Variants in NECTIN3 observed in about 807,000 individuals in gnomAD.
NECTIN3 encodes the protein nectin-3.
A neutral mutation model predicts 49.4 loss-of-function variants in NECTIN3; 8 were observed. The observed-to-expected ratio is 0.16, with a 90% CI of 0.10 to 0.29. The LOEUF (loss-of-function observed/expected upper bound fraction) is 0.29. NECTIN3 is among the 10% of genes least tolerant of loss of function. The pLI is 1.00. For synonymous variants in NECTIN3, 277 were observed against 241.1 expected (o/e 1.15, Z -1.38); for missense variants, 581 against 654.6 (o/e 0.89, Z 1.23).
intron 7 of NECTIN3, among the ~76,000 whole-genome samples, chr3:111,168,283 T>TCACCTAC (rs1443841343): frequency 4.6e-5 from 7 of 152,124 alleles, no homozygotes; most frequent in Admixed American, 4.6e-4. Context: ...GAAGTAGGTT[T>TCACCTAC]TTAAAATAGG....
intron 1 of NECTIN3, chr3:111,074,251 G>A (rs2031014039): frequency 2.2e-6 from 1 of 456,302 alleles, no homozygotes; most frequent in East Asian, 6.9e-5. Context: ...TTTTCTTCAA[G>A]TAAGCTGTTA....
At chr3:111,097,433 G>A (rs540534074) in intron 1 of NECTIN3, among the ~76,000 whole-genome samples, 78 of 152,234 alleles carry the variant, frequency 5.1e-4, no homozygotes, top group African/African-American at 1.9e-3. Context: ...TAAGGCTTTG[G>A]GGGACTCTTG....
chr3:111,134,451 A>C lies in NECTIN3; in HGVS notation c.*236A>C. The C allele has an allele frequency of 8.4e-7, 1 of 1,192,462 alleles. No homozygotes were observed. Among genetic ancestry groups the C allele is most frequent in the East Asian group, 4.0e-5 (1 of 25,278 alleles). 73.9% of individuals were successfully genotyped at this position (1,192,462 alleles called of 1,614,324 possible). A position where few individuals can be genotyped will look rare whatever the true frequency, so the allele number is the denominator to read the frequency against. ...TGTCTCAAGATTTAAATTTTAATGC[A>C]GAGTACTTTATTGGTGTGAGGCACA... On this transcript the variant is annotated 3_prime_UTR_variant, in exon 6 of 6. Coordinates refer to ENST00000485303, the MANE Select transcript of NECTIN3 (RefSeq NM_015480.3).
upstream of NECTIN3, among the ~76,000 whole-genome samples, chr3:111,191,530 G>A (rs1239277732): frequency 6.6e-6 from 1 of 151,758 alleles, no homozygotes; most frequent in Non-Finnish European, 1.5e-5. Context: ...TGTAAGCCGA[G>A]GAAAACTGAA....
rs576042887 is a variant in NECTIN3 at position 111,159,011 on chromosome 3, A to C, written c.1221+11527A>C. 3.3e-5 allele frequency among the ~76,000 whole-genome samples: 5 copies of C among 152,314 alleles called. No homozygotes were observed. In the South Asian group the frequency reaches 8.3e-4, roughly 25 times the overall value. ...ACATTACTAGTCAACAGGTAAATAC[A>C]AGTTAAACCACAATGAATTGCCACT... On this transcript the variant is annotated intron_variant, in intron 7 of 8. Coordinates refer to the NECTIN3 transcript ENST00000493615.
chr3:111,193,621 T>G, intron 1 of NECTIN3: 1 of 495,842 alleles, frequency 2.0e-6, no homozygotes, highest in East Asian at 3.2e-5. Flanking sequence ...GATGATGGTA[T>G]TTAACTGCTA....
At position 111,173,807 on chromosome 3, in the gene NECTIN3, T is replaced by C. The variant is rs1429437626; in HGVS notation, c.1222-18544T>C. Reference sequence around the variant, plus strand: ...CTACATTTATTCTTATTCCTTCTCTTTTTTTTTGTACACCTGCAGCTTCTG... The same window carrying C: ...CTACATTTATTCTTATTCCTTCTCTCTTTTTTTGTACACCTGCAGCTTCTG... On this transcript the variant is annotated intron_variant, in intron 7 of 8. Transcript: ENST00000493615. Among the ~76,000 whole-genome samples the C allele has an allele frequency of 2.2e-5, 3 of 137,914 alleles. No homozygotes were observed. The East Asian group carries it at 5.8e-4, about 27-fold the overall frequency. 90.5% of individuals were successfully genotyped at this position (137,914 alleles called of 152,430 possible). A position where few individuals can be genotyped will look rare whatever the true frequency, so the allele number is the denominator to read the frequency against.
chr3:111,077,365 A>AAAAAAAAAAAAAAT (rs2031287288), intron 1 of NECTIN3: 1 of 275,104 alleles, frequency 3.6e-6, no homozygotes, highest in Non-Finnish European at 7.4e-6. Context: ...AAAAAAAAAG[A>AAAAAAAAAAAAAAT]TCAAACTTGT....
intron 1 of NECTIN3, among the ~76,000 whole-genome samples, chr3:111,107,028 C>T (rs2033210294): frequency 6.6e-6 from 1 of 151,978 alleles, no homozygotes; most frequent in East Asian, 1.9e-4. Flanking sequence ...TTCTGAGAGT[C>T]AGGGAGGAAA....
chr3:111,168,588 A>G (rs935059444), intron 7 of NECTIN3, among the ~76,000 whole-genome samples: 8 of 152,090 alleles, frequency 5.3e-5, no homozygotes, highest in African/African-American at 1.9e-4. Flanking sequence ...GTGTCTGGCA[A>G]ATGGTTGGTG....
At chr3:111,145,457 A>G (rs931470403) in intron 6 of NECTIN3, among the ~76,000 whole-genome samples, 7 of 152,196 alleles carry the variant, frequency 4.6e-5, no homozygotes, top group African/African-American at 1.7e-4. Context: ...CAAGTTATTA[A>G]ATACATTGAG....
At chr3:111,193,379 A>G in intron 1 of NECTIN3, 2 of 1,530,674 alleles carry the variant, frequency 1.3e-6, no homozygotes, top group Non-Finnish European at 1.7e-6. Context: ...ATTATGTGTG[A>G]TTTTTCTCTT....
At chr3:111,118,586 A>G (rs1057478521) in intron 2 of NECTIN3, 70 bp from the exon 3 acceptor site, 3 of 1,336,032 alleles carry the variant, frequency 2.2e-6, no homozygotes, top group Admixed American at 5.6e-5. Flanking sequence ...ATATGTTTAG[A>G]TGTGACTTGG....
At chr3:111,156,280 TAAATA>T in intron 7 of NECTIN3, among the ~76,000 whole-genome samples, 1 of 152,288 alleles carries the variant, frequency 6.6e-6, no homozygotes, top group Admixed American at 6.5e-5. Context: ...TCAGATGCCT[TAAATA>T]AAATGAAATT....
intron 7 of NECTIN3, among the ~76,000 whole-genome samples, chr3:111,168,952 C>G (rs1278683740): frequency 6.6e-6 from 1 of 151,912 alleles, no homozygotes; most frequent in African/African-American, 2.4e-5. Flanking sequence ...TTACCTTGTA[C>G]TGGGGTTTTG....
chr3:111,146,433 C>CA (rs530786189), intron 6 of NECTIN3, among the ~76,000 whole-genome samples: 3,719 of 57,732 alleles, frequency 0.064, 97 homozygotes, highest in African/African-American at 0.11. Context: ...GACTCCGTCT[C>CA]AAAAAAAAAA....
intron 3 of NECTIN3, among the ~76,000 whole-genome samples, chr3:111,121,184 T>G (rs1299646001): frequency 2.0e-5 from 3 of 150,792 alleles, no homozygotes; most frequent in Non-Finnish European, 4.4e-5. Flanking sequence ...TTTTTTTTTT[T>G]TGTATTTTTT....
intron 1 of NECTIN3, among the ~76,000 whole-genome samples, chr3:111,111,617 T>A (rs779931550): frequency 3.3e-5 from 5 of 152,190 alleles, no homozygotes; most frequent in Non-Finnish European, 7.3e-5. Context: ...ATGATGTAAC[T>A]GAATCTTCTA....
chr3:111,163,511 G>A (rs1189971694), intron 7 of NECTIN3, among the ~76,000 whole-genome samples: 1 of 152,168 alleles, frequency 6.6e-6, no homozygotes, highest in Non-Finnish European at 1.5e-5. Context: ...TATCCAGAAT[G>A]TTTTGAAACA....
Sources: gnomAD v4.1 joint callset for allele counts (sites outside exome capture counted in the v4.1 genomes callset) on GRCh38, gnomAD v4.1.1 for gene constraint, MANE v1.5 for transcripts, NCBI Gene and HGNC (gene_info 2026-07-23, HGNC 2026-07-21) for gene names.